Variants in CHL1 observed in about 807,000 individuals in gnomAD.
CHL1 encodes neural cell adhesion molecule L1-like protein.
A neutral mutation model predicts 141.9 loss-of-function variants in CHL1; 96 were observed. The ratio of observed to expected loss-of-function variants is 0.68; its 90% CI spans 0.57 to 0.80. The LOEUF (loss-of-function observed/expected upper bound fraction) is 0.80. Ranked by LOEUF, CHL1 falls within the 30% of genes least tolerant of loss-of-function variation. CHL1 has a pLI of 0.00. For synonymous variants in CHL1, 613 were observed against 502.2 expected (o/e 1.22, Z -2.95); for missense variants, 1,820 against 1,457.2 (o/e 1.25, Z -4.05).
chr3:304,698 GT>G (rs1229911782), intron 2 of CHL1, among the ~76,000 whole-genome samples: 3 of 152,018 alleles, frequency 2.0e-5, no homozygotes, highest in Non-Finnish European at 2.9e-5. Context: ...CCAGCTCCTG[GT>G]TTCATTGATT....
intron 2 of CHL1, among the ~76,000 whole-genome samples, chr3:299,410 A>C (rs1698510484): frequency 6.6e-6 from 1 of 152,178 alleles, no homozygotes; most frequent in Non-Finnish European, 1.5e-5. Context: ...GCAGATTCTT[A>C]CCATTGGTTC....
At chr3:254,565 A>G (rs1263775691) in intron 2 of CHL1, among the ~76,000 whole-genome samples, 3 of 152,188 alleles carry the variant, frequency 2.0e-5, no homozygotes, top group Non-Finnish European at 4.4e-5. Context: ...GCAGGGCCTT[A>G]TAAGCCACGT....
At chr3:287,767 T>G (rs987371357) in intron 2 of CHL1, among the ~76,000 whole-genome samples, 14 of 145,778 alleles carry the variant, frequency 9.6e-5, no homozygotes, top group Non-Finnish European at 1.8e-4. Flanking sequence ...CTGGTGTCTT[T>G]TTTTGTTTTT....
At chr3:304,984 C>T (rs1699100224) in intron 2 of CHL1, among the ~76,000 whole-genome samples, 2 of 152,188 alleles carry the variant, frequency 1.3e-5, no homozygotes, top group Non-Finnish European at 2.9e-5. Context: ...ATAAATTATA[C>T]TGGTAGTCAT....
intron 2 of CHL1, among the ~76,000 whole-genome samples, chr3:267,761 T>G (rs866206962): frequency 6.6e-6 from 1 of 152,208 alleles, no homozygotes; most frequent in Non-Finnish European, 1.5e-5. Flanking sequence ...ATACAGTTTT[T>G]GGGCAACAAA....
chr3:396,478 G>A (rs1423132353), intron 24 of CHL1, among the ~76,000 whole-genome samples: 1 of 152,182 alleles, frequency 6.6e-6, no homozygotes, highest in African/African-American at 2.4e-5. Flanking sequence ...TGCCTGACAA[G>A]TGTTACACAT....
At chr3:234,993 C>CTATTATTAT (rs67249915) in intron 1 of CHL1, among the ~76,000 whole-genome samples, 62,301 of 148,114 alleles carry the variant, frequency 0.42, 14,387 homozygotes, top group East Asian at 0.51. Flanking sequence ...TTTTTTATTA[C>CTATTATTAT]TATTATTATT....
intron 1 of CHL1, among the ~76,000 whole-genome samples, chr3:242,400 T>C (rs575644126): frequency 2.3e-4 from 33 of 140,598 alleles, no homozygotes; most frequent in East Asian, 1.1e-3. Flanking sequence ...ATCGAGACCA[T>C]CCTGGCTAAC....
At chr3:296,767 A>G (rs1202250921) in intron 2 of CHL1, among the ~76,000 whole-genome samples, 1 of 152,252 alleles carries the variant, frequency 6.6e-6, no homozygotes, top group African/African-American at 2.4e-5. Context: ...TTATATAAAC[A>G]AAACACTGTA....
intron 2 of CHL1, among the ~76,000 whole-genome samples, chr3:292,134 C>A (rs771951764): frequency 2.0e-5 from 3 of 152,192 alleles, no homozygotes; most frequent in Non-Finnish European, 4.4e-5. Flanking sequence ...GTGTTCCTCA[C>A]AAATTGACTC....
chr3:241,382 C>G (rs1692541984), intron 1 of CHL1, among the ~76,000 whole-genome samples: 1 of 152,106 alleles, frequency 6.6e-6, no homozygotes, highest in Non-Finnish European at 1.5e-5. Context: ...GTGAAAAGTA[C>G]TACTTTGAAA....
chr3:381,392 A>G (rs1707019881), intron 16 of CHL1, among the ~76,000 whole-genome samples: 1 of 152,160 alleles, frequency 6.6e-6, no homozygotes, highest in Admixed American at 6.5e-5. Flanking sequence ...GGAGAAAGGA[A>G]GACACTTATC....
At position 259,323 on chromosome 3, in the gene CHL1, C is replaced by CGT. The variant is rs11274719; in HGVS notation, c.-95+14645_-95+14646dup. Among the ~76,000 whole-genome samples the CGT allele has an allele frequency of 1.9e-3, 265 of 143,126 alleles. 3 individuals carry two copies. The East Asian group carries it at 0.035, about 19-fold the overall frequency. 93.9% of individuals were successfully genotyped at this position (143,126 alleles called of 152,430 possible). ...GCGTGCTTGTGTGTGTGTGTGCATG[C>CGT]GTGTGTGTGTGTGTGATATAGTGGG... On this transcript the variant is annotated intron_variant, in intron 2 of 27. Coordinates refer to ENST00000256509, the MANE Select transcript of CHL1 (RefSeq NM_006614.4).
intron 19 of CHL1, 112 bp downstream of exon 19, chr3:383,998 T>C: frequency 1.5e-6 from 1 of 665,116 alleles, no homozygotes; most frequent in South Asian, 2.3e-5. Flanking sequence ...AGATAAGATT[T>C]GGAAATGAAA....
chr3:337,483 A>G (rs1429103296), intron 5 of CHL1, among the ~76,000 whole-genome samples: 7 of 151,894 alleles, frequency 4.6e-5, no homozygotes, highest in Non-Finnish European at 4.4e-5. Flanking sequence ...CATCATTTAC[A>G]TTAGGTATGT....
chr3:394,233 A>C (rs1373913800), intron 23 of CHL1, among the ~76,000 whole-genome samples: 1 of 152,216 alleles, frequency 6.6e-6, no homozygotes, highest in African/African-American at 2.4e-5. Context: ...GCCACATGTT[A>C]AACTAGAAAC....
intron 5 of CHL1, among the ~76,000 whole-genome samples, chr3:336,789 G>A (rs1198500660): frequency 6.6e-6 from 1 of 152,164 alleles, no homozygotes; most frequent in Non-Finnish European, 1.5e-5. Context: ...GGGATGATGA[G>A]TTTTCAAAAC....
At chr3:218,421 A>G (rs868759937) in intron 1 of CHL1, among the ~76,000 whole-genome samples, 7 of 152,224 alleles carry the variant, frequency 4.6e-5, no homozygotes, top group Non-Finnish European at 1.0e-4. Context: ...TTTCCTTAAT[A>G]TACTTTTGTG....
At chr3:204,868 C>T (rs1470224626) in intron 1 of CHL1, among the ~76,000 whole-genome samples, 3 of 152,066 alleles carry the variant, frequency 2.0e-5, no homozygotes, top group African/African-American at 7.2e-5. Context: ...TTTTCCATGT[C>T]ATCTCATCTG....
Sources: allele counts gnomAD v4.1 joint callset (sites outside exome capture counted in the v4.1 genomes callset), GRCh38; gene constraint gnomAD v4.1.1; transcripts MANE v1.5; gene names NCBI Gene and HGNC (gene_info 2026-07-23, HGNC 2026-07-21).